The following HERC4 variants were observed in gnomAD, a reference collection of about 807,000 sequenced individuals.
The protein encoded by HERC4 is probable E3 ubiquitin-protein ligase HERC4.
HERC4 carries 28 observed loss-of-function variants against 124.3 expected under a neutral mutation model. That is an observed-to-expected ratio of 0.23 (90% CI 0.17 to 0.31). The LOEUF is 0.31. HERC4 is among the 10% of genes least tolerant of loss of function. HERC4 has a pLI of 1.00. For synonymous variants in HERC4, 407 were observed against 421.5 expected, an observed-to-expected ratio of 0.97 and a Z score of 0.42; for missense variants, 713 against 1,229.3, an observed-to-expected ratio of 0.58 and a Z score of 6.28.
intron 19 of HERC4, among the ~76,000 whole-genome samples, chr10:67,946,836 G>C (rs2033399400): frequency 6.6e-6 from 1 of 152,238 alleles, no homozygotes; most frequent in South Asian, 2.1e-4. Context: ...GAACCTGGGA[G>C]GTAGATGTTG....
intron 15 of HERC4, among the ~76,000 whole-genome samples, chr10:67,984,999 G>A (rs1370237480): frequency 6.6e-6 from 1 of 152,154 alleles, no homozygotes; most frequent in African/African-American, 2.4e-5. Flanking sequence ...AGTGTTTGCA[G>A]TTTGTATATC....
intron 8 of HERC4, among the ~76,000 whole-genome samples, chr10:68,022,366 G>A (rs926406337): frequency 1.3e-5 from 2 of 152,138 alleles, no homozygotes; most frequent in Non-Finnish European, 2.9e-5. Context: ...GGGCAAGGTG[G>A]CGCATGCCTG....
chr10:68,063,808 G>A (rs1589462832), intron 3 of HERC4, among the ~76,000 whole-genome samples: 2 of 151,480 alleles, frequency 1.3e-5, no homozygotes, highest in South Asian at 2.1e-4. Flanking sequence ...GCATGTTGAC[G>A]GGCATCTGTA....
chr10:68,049,163 G>T (rs971251891), intron 3 of HERC4, among the ~76,000 whole-genome samples: 1 of 150,688 alleles, frequency 6.6e-6, no homozygotes, highest in Non-Finnish European at 1.5e-5. Flanking sequence ...CCATCTACAC[G>T]CTGAAATATT....
intron 8 of HERC4, among the ~76,000 whole-genome samples, chr10:68,017,124 C>T (rs1387487809): frequency 1.3e-5 from 2 of 152,122 alleles, no homozygotes; most frequent in Non-Finnish European, 2.9e-5. Flanking sequence ...GAATGTGATG[C>T]AAGCAGAAGG....
intron 16 of HERC4, 115 bp from the exon 17 acceptor site, chr10:67,957,091 T>C: frequency 1.8e-6 from 1 of 558,490 alleles, no homozygotes; most frequent in Non-Finnish European, 3.1e-6. Flanking sequence ...CATGTGGTTC[T>C]GGAATTACAA....
In HERC4 at chr10:67,922,797, A is replaced by T; in HGVS notation, c.*134T>A. On this transcript the variant is annotated 3_prime_UTR_variant, in exon 25 of 25. Transcript: ENST00000373700. ...CCTTTAATATTTTTTGGCTTCCATG[A>T]ACACTCGTAGATTGAACATTCTGCA... 1 of 613,800 alleles carries T rather than the reference A, an allele frequency of 1.6e-6. No homozygotes were observed. The allele number at this position is 613,800 out of a possible 1,614,324, so 38.0% of individuals were successfully genotyped here.
At chr10:67,999,329 C>G (rs1334680699) in intron 9 of HERC4, among the ~76,000 whole-genome samples, 7 of 152,150 alleles carry the variant, frequency 4.6e-5, no homozygotes. Context: ...CAGTAATAAA[C>G]TAGCCACAGT....
chr10:67,940,946 C>T lies in HERC4; in HGVS notation c.2497G>A (p.Val833Ile), dbSNP rs199605870. 95 of 1,609,674 alleles carry T rather than the reference C, an allele frequency of 5.9e-5. No individual in the cohort carries two copies. The African/African-American group carries it at 1.0e-3, about 17-fold the overall frequency. The change falls in exon 20 of 25, where the codon GTT becomes ATT. Residue 833 changes from valine to isoleucine, a missense_variant. Coordinates refer to ENST00000373700, the MANE Select transcript of HERC4 (RefSeq NM_015601.4). ...CTTTTTTTTCCAACTAACCTCCCAA[C>T]ATCAGGCATTAGTTCTTTCAAATCA... ...LDDLKELMPD[V>I]GRSMQQLLDY...
intron 9 of HERC4, among the ~76,000 whole-genome samples, 191 bp downstream of exon 9, chr10:68,013,835 T>A (rs1394156524): frequency 6.6e-6 from 1 of 152,186 alleles, no homozygotes; most frequent in African/African-American, 2.4e-5. Context: ...CTTTTACTTA[T>A]CCAGAATTTC....
chr10:67,973,748 T>A (rs1008194634), intron 15 of HERC4, among the ~76,000 whole-genome samples: 1 of 151,982 alleles, frequency 6.6e-6, no homozygotes, highest in Middle Eastern at 3.4e-3. Flanking sequence ...TGGGTAAGAG[T>A]AATTTTAAAA....
intron 9 of HERC4, among the ~76,000 whole-genome samples, chr10:67,998,718 G>C (rs1041420802): frequency 6.6e-6 from 1 of 152,016 alleles, no homozygotes; most frequent in Admixed American, 6.6e-5. Flanking sequence ...TCTCAAAAGG[G>C]GATGTTCTTC....
At chr10:67,927,015 T>C (rs1442474221) in intron 23 of HERC4, among the ~76,000 whole-genome samples, 2 of 152,202 alleles carry the variant, frequency 1.3e-5, no homozygotes, top group African/African-American at 2.4e-5. Flanking sequence ...AATGGGCTTC[T>C]TGAATTTTGG....
At chr10:67,979,846 A>G (rs2132619184) in intron 15 of HERC4, among the ~76,000 whole-genome samples, 1 of 152,142 alleles carries the variant, frequency 6.6e-6, no homozygotes, top group South Asian at 2.1e-4. Flanking sequence ...CTGAGGCAGG[A>G]GAATGGCGTG....
Position 67,932,797 on chromosome 10 carries a change from A to G in HERC4, c.2655-17T>C, listed in dbSNP as rs541001061. ...AACTCTTGCCTAGAAATGAAAAAGC[A>G]CACATGTACAGATTATAAAAATCAT... On this transcript the variant is annotated splice_polypyrimidine_tract_variant and intron_variant, in intron 22 of 24. Coordinates refer to ENST00000373700, the MANE Select transcript of HERC4 (RefSeq NM_015601.4). 24 of 1,571,984 alleles carry G rather than the reference A, an allele frequency of 1.5e-5. No individual in the cohort carries two copies. Among genetic ancestry groups the G allele is most frequent in the Admixed American group, 4.3e-5 (2 of 46,556 alleles).
chr10:67,955,437 G>T, intron 17 of HERC4: 1 of 205,972 alleles, frequency 4.9e-6, no homozygotes. Flanking sequence ...TTCACTGGAG[G>T]GGAGGGTAAA....
chr10:68,028,146 G>A (rs2039000989), intron 7 of HERC4, among the ~76,000 whole-genome samples: 1 of 150,442 alleles, frequency 6.6e-6, no homozygotes, highest in Non-Finnish European at 1.5e-5. Flanking sequence ...TTATGAGCTG[G>A]AATTCTTCTA....
At chr10:67,946,981 T>G (rs974026143) in intron 19 of HERC4, among the ~76,000 whole-genome samples, 1 of 152,104 alleles carries the variant, frequency 6.6e-6, no homozygotes, top group Non-Finnish European at 1.5e-5. Flanking sequence ...AAGCAAATAT[T>G]ATTACCGCTA....
chr10:68,042,014 T>A (rs1274224044), intron 4 of HERC4, among the ~76,000 whole-genome samples: 1 of 152,156 alleles, frequency 6.6e-6, no homozygotes, highest in Non-Finnish European at 1.5e-5. Flanking sequence ...CTTTTCTGAT[T>A]ACTCTTTTTT....
Sources: allele counts gnomAD v4.1 joint callset (sites outside exome capture counted in the v4.1 genomes callset), GRCh38; gene constraint gnomAD v4.1.1; transcripts MANE v1.5; gene names NCBI Gene and HGNC (gene_info 2026-07-23, HGNC 2026-07-21).